The following MS4A18 variants were observed in gnomAD, a reference collection of about 807,000 sequenced individuals.
The protein encoded by MS4A18 is membrane spanning 4-domains A18, also known as membrane-spanning 4-domains subfamily A member 18.
In MS4A18, 27 loss-of-function variants were observed where a neutral mutation model predicts 13.1. That is an observed-to-expected ratio of 2.06 (90% CI 1.52 to 2.84). The LOEUF (loss-of-function observed/expected upper bound fraction) is 2.84. MS4A18 is among the 30% of genes most tolerant of loss of function. MS4A18 has a pLI of 0.00. For missense variants in MS4A18, 307 were observed against 196.4 expected (o/e 1.56, Z -3.37); for synonymous variants, 126 against 76.5 (o/e 1.65, Z -3.38).
upstream of MS4A18, among the ~76,000 whole-genome samples, chr11:60,727,554 T>G (rs1478710916): frequency 6.6e-6 from 1 of 152,200 alleles, no homozygotes; most frequent in East Asian, 1.9e-4. Flanking sequence ...AGTGTTTCTC[T>G]CACTCAGGAT....
At chr11:60,740,240 C>T (rs2134681327) in intron 4 of MS4A18, among the ~76,000 whole-genome samples, 1 of 152,326 alleles carries the variant, frequency 6.6e-6, no homozygotes, top group African/African-American at 2.4e-5. Flanking sequence ...ACAGGCATTC[C>T]AAGCCCTGGG....
intron 1 of MS4A18, among the ~76,000 whole-genome samples, chr11:60,732,092 G>A (rs1449461368): frequency 6.6e-6 from 1 of 152,110 alleles, no homozygotes; most frequent in South Asian, 2.1e-4. Context: ...CTAGTCATTT[G>A]ATCCCTGAGG....
chr11:60,734,261 A>T (rs1161976441), intron 2 of MS4A18, among the ~76,000 whole-genome samples: 1 of 151,576 alleles, frequency 6.6e-6, no homozygotes, highest in African/African-American at 2.4e-5. Flanking sequence ...GTCTCAAAGG[A>T]AAAAAAAAGA....
intron 2 of MS4A18, among the ~76,000 whole-genome samples, chr11:60,734,667 T>A (rs1288543230): frequency 1.3e-5 from 2 of 151,952 alleles, no homozygotes; most frequent in Non-Finnish European, 2.9e-5. Flanking sequence ...GGGGCTGGGG[T>A]AAGAGGGTAA....
At chr11:60,732,173 G>T (rs564936642) in intron 1 of MS4A18, among the ~76,000 whole-genome samples, 8 of 152,228 alleles carry the variant, frequency 5.3e-5, no homozygotes, top group African/African-American at 1.9e-4. Context: ...CATCCTGGAC[G>T]GGGGCTCAGG....
exon 2 of MS4A18, chr11:60,733,577 T>C (rs1853288208): frequency 2.8e-6 from 2 of 703,528 alleles, no homozygotes; most frequent in Admixed American, 2.0e-5. Flanking sequence ...TTCTCTGCAA[T>C]TAACCCTGTG....
exon 6 of MS4A18, chr11:60,743,705 G>A: frequency 1.4e-6 from 1 of 702,998 alleles, no homozygotes; most frequent in Non-Finnish European, 2.6e-6. Flanking sequence ...ACCACCACCA[G>A]CCCTGTCAAT....
upstream of MS4A18, among the ~76,000 whole-genome samples, chr11:60,724,947 C>T (rs953140323): frequency 1.3e-5 from 2 of 152,214 alleles, no homozygotes; most frequent in African/African-American, 4.8e-5. Context: ...GCAAGACAGG[C>T]GTGCAGCCAC....
intron 1 of MS4A18, 74 bp downstream of exon 2, chr11:60,729,860 G>A (rs1590961558): frequency 3.1e-6 from 2 of 636,700 alleles, no homozygotes; most frequent in Non-Finnish European, 5.7e-6. Flanking sequence ...GGATGAGGAA[G>A]GGAATGTGTT....
At chr11:60,732,609 T>C (rs896051553) in intron 1 of MS4A18, among the ~76,000 whole-genome samples, 18 of 151,510 alleles carry the variant, frequency 1.2e-4, no homozygotes, top group African/African-American at 4.1e-4. Flanking sequence ...CAGGCACATG[T>C]ATTCCCAGCT....
chr11:60,736,951 CTTTT>C (rs751418835), intron 2 of MS4A18, 23 bp from the exon 4 acceptor site: 544 of 626,864 alleles, frequency 8.7e-4, no homozygotes, highest in Admixed American at 1.6e-3. Flanking sequence ...ATTGGTCATT[CTTTT>C]TTTTTTTTTT....
intron 4 of MS4A18, among the ~76,000 whole-genome samples, chr11:60,739,858 C>G (rs1436392889): frequency 6.6e-6 from 1 of 152,206 alleles, no homozygotes; most frequent in Non-Finnish European, 1.5e-5. Context: ...GTAGCTAGCT[C>G]CACAGTTGGC....
At chr11:60,733,552 G>A (rs551355988) in exon 2 of MS4A18, 114 of 703,146 alleles carry the variant, frequency 1.6e-4, no homozygotes, top group Non-Finnish European at 2.5e-4. Flanking sequence ...GATCCTCATC[G>A]GCCTGACGCA....
chr11:60,725,262 C>T (rs1218495075), upstream of MS4A18, among the ~76,000 whole-genome samples: 2 of 152,148 alleles, frequency 1.3e-5, no homozygotes, highest in Non-Finnish European at 2.9e-5. Flanking sequence ...GGCGCGATCT[C>T]GGCTCACTGC....
At chr11:60,726,118 T>C (rs1009734181), upstream of MS4A18, among the ~76,000 whole-genome samples, 3 of 152,054 alleles carry the variant, frequency 2.0e-5, no homozygotes, top group Non-Finnish European at 2.9e-5. Flanking sequence ...TAAATTTGAG[T>C]CTCAGATCTA....
In MS4A18 at chr11:60,741,007, C is replaced by T. The variant is rs1442672011; in HGVS notation, c.745-23C>T. On this transcript the variant is annotated intron_variant, in intron 4 of 5. Transcript: ENST00000529108. ...GCCATCAACCTGAAGGACTAAATGC[C>T]TTCCATTTCTCTTTGCCTTTAGACA... is the stretch of plus-strand genomic sequence containing the variant. 61 of 702,926 alleles carry T rather than the reference C, an allele frequency of 8.7e-5. No homozygotes were observed. The Admixed American group carries it at 1.2e-3, about 14-fold the overall frequency. The allele number at this position is 702,926 out of a possible 1,614,324, so 43.5% of individuals were successfully genotyped here.
At chr11:60,728,607 C>A (rs1853202638), upstream of MS4A18, among the ~76,000 whole-genome samples, 1 of 151,058 alleles carries the variant, frequency 6.6e-6, no homozygotes, top group Non-Finnish European at 1.5e-5. Context: ...CTGTGTCTTC[C>A]TCCCTCCTTC....
At chr11:60,731,482 G>A (rs1019899631) in intron 1 of MS4A18, among the ~76,000 whole-genome samples, 48 of 152,180 alleles carry the variant, frequency 3.2e-4, no homozygotes, top group African/African-American at 1.1e-3. Flanking sequence ...AAGAATATTC[G>A]CCAGCAGCAC....
At chr11:60,742,722 G>A (rs576534921) in intron 5 of MS4A18, among the ~76,000 whole-genome samples, 2 of 152,314 alleles carry the variant, frequency 1.3e-5, no homozygotes, top group African/African-American at 4.8e-5. Context: ...AGACAATCTT[G>A]TTTTCTAACT....
Sources: allele counts gnomAD v4.1 joint callset (sites outside exome capture counted in the v4.1 genomes callset), GRCh38; gene constraint gnomAD v4.1.1; transcripts MANE v1.5; gene names NCBI Gene and HGNC (gene_info 2026-07-23, HGNC 2026-07-21).